The following SLC4A7 variants were observed in gnomAD, a reference collection of about 807,000 sequenced individuals.
SLC4A7 encodes sodium bicarbonate cotransporter 3.
A neutral mutation model predicts 137.6 loss-of-function variants in SLC4A7; 51 were observed. That is an observed-to-expected ratio of 0.37 (90% CI 0.30 to 0.47). The LOEUF is 0.47. Ranked by LOEUF, SLC4A7 falls within the 20% of genes least tolerant of loss-of-function variation. The pLI is 1.00. For synonymous variants in SLC4A7, 542 were observed against 518.6 expected, an observed-to-expected ratio of 1.05 and a Z score of -0.61; for missense variants, 1,247 against 1,525.4, an observed-to-expected ratio of 0.82 and a Z score of 3.04.
At chr3:27,396,349 T>G (rs1420156379) in intron 18 of SLC4A7, among the ~76,000 whole-genome samples, 1 of 152,064 alleles carries the variant, frequency 6.6e-6, no homozygotes, top group Non-Finnish European at 1.5e-5. Flanking sequence ...GCCTATTACC[T>G]GAAAGCCATA....
intron 11 of SLC4A7, among the ~76,000 whole-genome samples, chr3:27,413,385 T>C (rs956666440): frequency 6.6e-6 from 1 of 152,150 alleles, no homozygotes; most frequent in East Asian, 1.9e-4. Flanking sequence ...TAAAACTGTT[T>C]AACAAAAATG....
At chr3:27,466,444 C>A (rs1333960399) in intron 1 of SLC4A7, among the ~76,000 whole-genome samples, 1 of 136,786 alleles carries the variant, frequency 7.3e-6, no homozygotes, top group African/African-American at 2.7e-5. Context: ...AGCGAGACTC[C>A]GTCTCAAAAA....
At chr3:27,412,780 C>T (rs2054031430) in intron 11 of SLC4A7, among the ~76,000 whole-genome samples, 1 of 151,786 alleles carries the variant, frequency 6.6e-6, no homozygotes, top group Admixed American at 6.6e-5. Flanking sequence ...AAAATAATGG[C>T]CAAAGCCACA....
chr3:27,397,845 T>A, intron 17 of SLC4A7, 48 bp from the exon 18 acceptor site: 1 of 1,057,742 alleles, frequency 9.5e-7, no homozygotes. Context: ...TACTATGTGT[T>A]CTTTCTAAAT....
At chr3:27,451,757 T>C (rs1282415649) in intron 2 of SLC4A7, among the ~76,000 whole-genome samples, 2 of 152,108 alleles carry the variant, frequency 1.3e-5, no homozygotes, top group Non-Finnish European at 2.9e-5. Context: ...AACTAGTAAT[T>C]AGTCAGATTC....
intron 1 of SLC4A7, among the ~76,000 whole-genome samples, chr3:27,479,077 CA>C: frequency 6.6e-6 from 1 of 151,810 alleles, no homozygotes; most frequent in Non-Finnish European, 1.5e-5. Context: ...AGATAAAATG[CA>C]AATCTATATT....
rs374634683 is a variant in SLC4A7 at position 27,407,500 on chromosome 3, C to G, written c.1941+1856G>C. ...CCTCAAAAAAAAAAAAAAAAATCAG[C>G]CTATTACCCTGCCTGCCTACCTCAT... is the stretch of plus-strand genomic sequence containing the variant. On this transcript the variant is annotated intron_variant, in intron 13 of 25. Coordinates refer to ENST00000454389, the MANE Select transcript of SLC4A7 (RefSeq NM_001321103.2). Among the ~76,000 whole-genome samples the G allele has an allele frequency of 1.3e-4, 19 of 151,446 alleles. 2 individuals carry two copies. The highest frequency in any genetic ancestry group is 9.7e-4 in the East Asian group (5 of 5,144).
intron 1 of SLC4A7, among the ~76,000 whole-genome samples, chr3:27,476,521 G>A (rs966473140): frequency 7.9e-5 from 12 of 152,118 alleles, no homozygotes; most frequent in East Asian, 3.9e-4. Flanking sequence ...ATCTGCTATC[G>A]TTTGGCTCTG....
intron 3 of SLC4A7, among the ~76,000 whole-genome samples, chr3:27,447,708 T>C (rs2057770068): frequency 6.7e-6 from 1 of 148,528 alleles, no homozygotes; most frequent in South Asian, 2.2e-4. Flanking sequence ...AACATGGCTA[T>C]CTATGCTCGT....
chr3:27,405,637 C>T (rs931203249), intron 13 of SLC4A7, among the ~76,000 whole-genome samples: 3 of 152,104 alleles, frequency 2.0e-5, no homozygotes, highest in Non-Finnish European at 2.9e-5. Flanking sequence ...GATAAATCAA[C>T]ATGTGACTAT....
chr3:27,397,174 C>T (rs1389132050), intron 18 of SLC4A7, among the ~76,000 whole-genome samples: 1 of 152,096 alleles, frequency 6.6e-6, no homozygotes, highest in East Asian at 1.9e-4. Context: ...ATTACAGGCG[C>T]CCGCCACCAC....
chr3:27,464,628 G>C (rs1358189643), intron 1 of SLC4A7, among the ~76,000 whole-genome samples: 1 of 152,090 alleles, frequency 6.6e-6, no homozygotes, highest in African/African-American at 2.4e-5. Context: ...GGGAGGCAGA[G>C]GTTGCAGTGA....
intron 18 of SLC4A7, among the ~76,000 whole-genome samples, chr3:27,395,442 T>A (rs2052049945): frequency 6.6e-6 from 1 of 152,194 alleles, no homozygotes; most frequent in South Asian, 2.1e-4. Flanking sequence ...AGTCTTAACC[T>A]TAAAGAACCT....
intron 4 of SLC4A7, among the ~76,000 whole-genome samples, 180 bp from the exon 5 acceptor site, chr3:27,436,728 C>T (rs1042332275): frequency 2.0e-5 from 3 of 151,878 alleles, no homozygotes; most frequent in Non-Finnish European, 2.9e-5. Context: ...CACAAATTTC[C>T]TTTGTAGTTC....
rs1213935667 is a variant in SLC4A7, at chr3:27,374,066, CATT to C, written c.*2695_*2697del. The C allele has an allele frequency of 9.8e-5, 15 of 152,624 alleles. No individual in the cohort carries two copies. The highest frequency in any genetic ancestry group is 3.4e-4 in the African/African-American group (14 of 41,562). The allele number at this position is 152,624 out of a possible 1,614,324, so 9.5% of individuals were successfully genotyped here. ...TCCTTTTATCATAAGGAATTTACAT[CATT>C]GTTTTCTCAAAAGCTGCTATTTTAG... On this transcript the variant is annotated 3_prime_UTR_variant, in exon 26 of 26. Transcript: ENST00000454389.
At chr3:27,480,350 C>T (rs912068251) in intron 1 of SLC4A7, among the ~76,000 whole-genome samples, 1 of 152,258 alleles carries the variant, frequency 6.6e-6, no homozygotes, top group South Asian at 2.1e-4. Context: ...CCTCCTGCCT[C>T]GGCCTCCCAA....
Position 27,484,107 on chromosome 3 carries a change from C to T in SLC4A7, c.20G>A (p.Gly7Asp), listed in dbSNP as rs1269977874. The T allele has an allele frequency of 7.9e-6, 11 of 1,396,712 alleles. No individual in the cohort carries two copies. Among genetic ancestry groups the T allele is most frequent in the Non-Finnish European group, 9.3e-6 (10 of 1,070,396 alleles). The allele number at this position is 1,396,712 out of a possible 1,614,324, so 86.5% of individuals were successfully genotyped here. Residue 7 changes from glycine to aspartate, a missense_variant, in exon 1 of 26, where the codon GGC (glycine) becomes GAC (aspartate). This residue lies in a region of SLC4A7 where 176 missense variants were observed against 186.4 expected (regional missense o/e 0.94). Transcript: ENST00000454389. MEADGA[G>D]EQMRPLLTRV... is the part of the protein sequence containing the mutation. ...GGTGAGTAGCGGTCTCATCTGCTCGCCGGCCCCATCAGCCTCCATGGCCGG... is the reference window on the plus strand; with the variant it reads ...GGTGAGTAGCGGTCTCATCTGCTCGTCGGCCCCATCAGCCTCCATGGCCGG...
chr3:27,421,892 G>T, intron 8 of SLC4A7, 113 bp from the exon 9 acceptor site: 1 of 707,864 alleles, frequency 1.4e-6, no homozygotes, highest in Non-Finnish European at 2.3e-6. Context: ...CAAAACTTGT[G>T]ATCTAATGAA....
intron 18 of SLC4A7, among the ~76,000 whole-genome samples, chr3:27,395,516 A>G (rs537303313): frequency 4.5e-4 from 68 of 152,270 alleles, no homozygotes; most frequent in Middle Eastern, 3.4e-3. Flanking sequence ...AAGCCTAGAT[A>G]AGCTTTCTTG....
Sources: gnomAD v4.1 joint callset for allele counts (sites outside exome capture counted in the v4.1 genomes callset) on GRCh38, gnomAD v4.1.1 for gene constraint, gnomAD v4.1.1 regional missense constraint, MANE v1.5 for transcripts, NCBI Gene and HGNC (gene_info 2026-07-23, HGNC 2026-07-21) for gene names.